Variants in STXBP5L observed in about 807,000 individuals in gnomAD.
STXBP5L encodes the protein syntaxin binding protein 5L.
A neutral mutation model predicts 144.5 loss-of-function variants in STXBP5L; 65 were observed. That is an observed-to-expected ratio of 0.45 (90% CI 0.37 to 0.55). The LOEUF (loss-of-function observed/expected upper bound fraction) is 0.55, where lower values mean the gene tolerates loss of function less well. Ranked by LOEUF, STXBP5L falls within the 20% of genes least tolerant of loss-of-function variation. The pLI, the probability that STXBP5L is intolerant of heterozygous loss-of-function variation, is 0.00. For missense variants in STXBP5L, 1,298 were observed against 1,405.5 expected (o/e 0.92, Z 1.22); for synonymous variants, 505 against 469.6 (o/e 1.08, Z -0.97).
At chr3:121,211,047 T>C (rs2048544583) in intron 10 of STXBP5L, among the ~76,000 whole-genome samples, 1 of 152,230 alleles carries the variant, frequency 6.6e-6, no homozygotes, top group Non-Finnish European at 1.5e-5. Flanking sequence ...ACAATATTGA[T>C]TCTTCCTACC....
intron 20 of STXBP5L, among the ~76,000 whole-genome samples, chr3:121,353,015 C>T (rs935864588): frequency 2.0e-5 from 3 of 152,172 alleles, no homozygotes; most frequent in African/African-American, 7.2e-5. Flanking sequence ...ACCAGCATTG[C>T]ATCCCAGGGA....
At chr3:121,017,507 G>A (rs1241517835) in intron 3 of STXBP5L, among the ~76,000 whole-genome samples, 2 of 151,378 alleles carry the variant, frequency 1.3e-5, no homozygotes, top group Admixed American at 1.3e-4. Flanking sequence ...CACTATCTTT[G>A]TTTGCAGATT....
At chr3:121,003,492 T>C (rs1047585754) in intron 3 of STXBP5L, among the ~76,000 whole-genome samples, 10 of 152,342 alleles carry the variant, frequency 6.6e-5, no homozygotes, top group African/African-American at 1.9e-4. Context: ...TTTTCTCCCA[T>C]GCTCTAGGTT....
intron 3 of STXBP5L, among the ~76,000 whole-genome samples, chr3:120,994,374 GA>G (rs1394370726): frequency 6.6e-6 from 1 of 151,918 alleles, no homozygotes; most frequent in African/African-American, 2.4e-5. Context: ...CTGTGTCTTA[GA>G]AAAAAGGCTG....
intron 22 of STXBP5L, among the ~76,000 whole-genome samples, chr3:121,395,052 G>GA (rs1331923289): frequency 2.0e-5 from 3 of 151,420 alleles, no homozygotes; most frequent in Non-Finnish European, 4.4e-5. Context: ...ATAGACAGAT[G>GA]AAAAAAAATC....
At chr3:120,998,992 A>G (rs1190225985) in intron 3 of STXBP5L, among the ~76,000 whole-genome samples, 3 of 152,154 alleles carry the variant, frequency 2.0e-5, no homozygotes, top group Non-Finnish European at 4.4e-5. Context: ...ATTGAGGAGT[A>G]GATTGTTTAA....
chr3:121,056,823 T>C (rs1225540245), intron 5 of STXBP5L, among the ~76,000 whole-genome samples: 1 of 151,880 alleles, frequency 6.6e-6, no homozygotes, highest in Non-Finnish European at 1.5e-5. Flanking sequence ...TTCTTTCTTA[T>C]ATGTACATAA....
chr3:121,130,046 A>C (rs941904576), intron 7 of STXBP5L, among the ~76,000 whole-genome samples: 6 of 152,076 alleles, frequency 3.9e-5, no homozygotes, highest in Non-Finnish European at 8.8e-5. Context: ...GAACCAACTA[A>C]TTTTTATATC....
intron 2 of STXBP5L, among the ~76,000 whole-genome samples, chr3:120,911,381 C>T (rs1294664741): frequency 6.6e-6 from 1 of 152,020 alleles, no homozygotes; most frequent in Non-Finnish European, 1.5e-5. Flanking sequence ...AGGAAGAGCA[C>T]TGGCCTAGGA....
intron 20 of STXBP5L, among the ~76,000 whole-genome samples, chr3:121,351,823 C>T (rs1367252634): frequency 1.3e-5 from 2 of 152,128 alleles, no homozygotes; most frequent in African/African-American, 4.8e-5. Context: ...TTAGGTCTAA[C>T]ATTTAAGTCT....
chr3:121,018,360 TAAA>T (rs777690382), intron 3 of STXBP5L, among the ~76,000 whole-genome samples: 10 of 152,014 alleles, frequency 6.6e-5, no homozygotes, highest in Admixed American at 1.3e-4. Flanking sequence ...GTTGTACAGG[TAAA>T]AGAATAAATA....
intron 16 of STXBP5L, among the ~76,000 whole-genome samples, chr3:121,255,966 T>C (rs1212482041): frequency 6.6e-6 from 1 of 152,106 alleles, no homozygotes; most frequent in Non-Finnish European, 1.5e-5. Flanking sequence ...CCTTTTATTG[T>C]ATAGTAGCTG....
At chr3:120,963,799 G>T (rs1474917889) in intron 3 of STXBP5L, among the ~76,000 whole-genome samples, 2 of 152,122 alleles carry the variant, frequency 1.3e-5, no homozygotes, top group East Asian at 1.9e-4. Flanking sequence ...AATGAATTTG[G>T]GAGGATTTCC....
At chr3:121,303,075 A>G (rs565407869) in intron 19 of STXBP5L, among the ~76,000 whole-genome samples, 53 of 152,292 alleles carry the variant, frequency 3.5e-4, no homozygotes, top group African/African-American at 1.1e-3. Context: ...AAAAGAAACT[A>G]CCATCAGAGT....
intron 5 of STXBP5L, among the ~76,000 whole-genome samples, chr3:121,068,907 A>G (rs1191399846): frequency 6.6e-6 from 1 of 151,926 alleles, no homozygotes; most frequent in Non-Finnish European, 1.5e-5. Context: ...ATACTTTTTT[A>G]TTTCATAATA....
chr3:120,991,455 A>T (rs61798590), intron 3 of STXBP5L, among the ~76,000 whole-genome samples: 52,198 of 149,110 alleles, frequency 0.35, 7,550 homozygotes, highest in Non-Finnish European at 0.37. Flanking sequence ...TAGAAATACC[A>T]TTTGACCCAG....
At chr3:120,991,908 A>G (rs1384769163) in intron 3 of STXBP5L, among the ~76,000 whole-genome samples, 3 of 152,170 alleles carry the variant, frequency 2.0e-5, no homozygotes. Flanking sequence ...ACATGTATAC[A>G]TATGTAACTA....
At position 120,962,742 on chromosome 3, in the gene STXBP5L, A is replaced by G. The variant is rs137867941; in HGVS notation, c.287+7705A>G. Reference sequence around the variant, plus strand: ...TCCAGCTTTGTTCATTTTGCTTAGAATTGTCTTGGCAATGCAGGCCCTTTT... The same window carrying G: ...TCCAGCTTTGTTCATTTTGCTTAGAGTTGTCTTGGCAATGCAGGCCCTTTT... On this transcript the variant is annotated intron_variant, in intron 3 of 26. Transcript: ENST00000471454. Among the ~76,000 whole-genome samples the G allele has an allele frequency of 2.2e-3, 338 of 152,280 alleles. 2 individuals are homozygous for G. The highest frequency in any genetic ancestry group is 7.7e-3 in the African/African-American group (319 of 41,566).
intron 20 of STXBP5L, among the ~76,000 whole-genome samples, chr3:121,366,358 A>G (rs1428976128): frequency 6.6e-6 from 1 of 152,006 alleles, no homozygotes; most frequent in African/African-American, 2.4e-5. Flanking sequence ...ATTGAATTGT[A>G]CAACTATTAT....
Sources: gnomAD v4.1 joint callset for allele counts (sites outside exome capture counted in the v4.1 genomes callset) on GRCh38, gnomAD v4.1.1 for gene constraint, MANE v1.5 for transcripts, NCBI Gene and HGNC (gene_info 2026-07-23, HGNC 2026-07-21) for gene names.